SENP6: variants seen among roughly 807,000 people sequenced by gnomAD.
SENP6 encodes sentrin-specific protease 6.
In SENP6, 41 loss-of-function variants were observed where a neutral mutation model predicts 134.5. That is an observed-to-expected ratio of 0.30 (90% CI 0.24 to 0.40). The LOEUF is 0.40. SENP6 is among the 10% of genes least tolerant of loss of function. The pLI is 1.00. For missense variants in SENP6, 1,248 were observed against 1,312.5 expected (o/e 0.95, Z 0.76); for synonymous variants, 395 against 429.8 (o/e 0.92, Z 1.00).
chr6:75,604,095 A>C (rs1374399173), intron 1 of SENP6, among the ~76,000 whole-genome samples: 1 of 152,176 alleles, frequency 6.6e-6, no homozygotes, highest in East Asian at 1.9e-4. Context: ...CTTTTGTGCT[A>C]TCCTAGATTT....
At chr6:75,627,918 C>T (rs1034530063) in intron 3 of SENP6, among the ~76,000 whole-genome samples, 5 of 152,034 alleles carry the variant, frequency 3.3e-5, no homozygotes, top group African/African-American at 1.2e-4. Context: ...GTGATCTGCC[C>T]GCCTTGGCCT....
chr6:75,699,324 A>G (rs980525799), intron 18 of SENP6, among the ~76,000 whole-genome samples: 3 of 148,002 alleles, frequency 2.0e-5, no homozygotes, highest in Admixed American at 2.0e-4. Flanking sequence ...AAAATAGCCT[A>G]TAAATCAAGA....
At chr6:75,668,208 C>T (rs998501902) in intron 10 of SENP6, among the ~76,000 whole-genome samples, 12 of 152,164 alleles carry the variant, frequency 7.9e-5, no homozygotes, top group African/African-American at 1.4e-4. Context: ...AGGTGCAAGC[C>T]GCTGCACCCG....
chr6:75,602,438 C>T lies in SENP6; in HGVS notation c.-87C>T. ...GAGGCCCGCAACCCTGCGGCGTCTA[C>T]CCTCCTCCGGCGCGGCCCCTCATCC... On this transcript the variant is annotated 5_prime_UTR_variant, in exon 1 of 24. Transcript: ENST00000447266. 2.0e-6 allele frequency: 3 copies of T among 1,475,428 alleles called. No homozygotes were observed. Among genetic ancestry groups the T allele is most frequent in the East Asian group, 2.5e-5 (1 of 40,544 alleles). The allele number at this position is 1,475,428 out of a possible 1,614,324, so 91.4% of individuals were successfully genotyped here.
intron 18 of SENP6, among the ~76,000 whole-genome samples, 161 bp from the exon 19 acceptor site, chr6:75,702,484 C>G (rs896915329): frequency 6.6e-6 from 1 of 152,174 alleles, no homozygotes; most frequent in African/African-American, 2.4e-5. Flanking sequence ...TCCCAAAGTG[C>G]TGGGATTACT....
chr6:75,700,993 C>G lies in SENP6; in HGVS notation c.2289-1652C>G, dbSNP rs549741981. On this transcript the variant is annotated intron_variant, in intron 18 of 23. Transcript: ENST00000447266. ...AGCAAGCTTTCATCCATCTGGACTT[C>G]GCAATACAGAAGATGAAGCCAGCCA... is the stretch of plus-strand genomic sequence containing the variant. Among the ~76,000 whole-genome samples the G allele has an allele frequency of 2.0e-5, 3 of 152,088 alleles. No homozygotes were observed. In the East Asian group the frequency reaches 5.8e-4, roughly 29 times the overall value.
intron 5 of SENP6, among the ~76,000 whole-genome samples, chr6:75,636,330 C>T (rs1000000883): frequency 1.6e-4 from 25 of 152,130 alleles, no homozygotes; most frequent in Non-Finnish European, 1.5e-5. Context: ...TTACATTTGT[C>T]TTTTATTTAT....
chr6:75,637,270 A>G (rs2149839989), intron 5 of SENP6, among the ~76,000 whole-genome samples: 1 of 152,292 alleles, frequency 6.6e-6, no homozygotes, highest in African/African-American at 2.4e-5. Flanking sequence ...CTTGTCTTTT[A>G]AGTAAATCAG....
At position 75,675,905 on chromosome 6, in the gene SENP6, T is replaced by C; in HGVS notation, c.1472T>C (p.Leu491Pro). The C allele has an allele frequency of 6.2e-7, 1 of 1,609,096 alleles. No individual in the cohort carries two copies. The highest frequency in any genetic ancestry group is 8.5e-7 in the Non-Finnish European group (1 of 1,178,356). The change falls in exon 13 of 24, where the codon CTA becomes CCA. Residue 491 changes from leucine to proline, a missense_variant. Leu to Pro is a moderately conservative substitution (Grantham distance 98, BLOSUM62 -3). Around this residue, in one of 3 missense-constraint regions of SENP6, gnomAD observed 733 missense variants for 725.4 expected, o/e 1.01. Transcript: ENST00000447266. ...GAGATTATATTAAATACCTCTGATC[T>C]AACTAAATGTGAATGGTGTAATGTC... ...PVEIILNTSD[L>P]TKCEWCNVRK...
At chr6:75,646,708 C>G (rs56105244) in intron 6 of SENP6, 1 of 152,092 alleles carries the variant, frequency 6.6e-6, no homozygotes. Flanking sequence ...TGGTGGTGGG[C>G]GCCTGTAGTC....
chr6:75,625,236 C>T (rs975314113), intron 3 of SENP6, among the ~76,000 whole-genome samples: 2 of 150,410 alleles, frequency 1.3e-5, no homozygotes, highest in Admixed American at 6.7e-5. Context: ...CTCAGCCACA[C>T]GAGTAGTTGG....
At chr6:75,623,515 A>G (rs370872779) in intron 2 of SENP6, among the ~76,000 whole-genome samples, 3 of 152,040 alleles carry the variant, frequency 2.0e-5, no homozygotes, top group African/African-American at 7.2e-5. Flanking sequence ...TTGTTTCTCT[A>G]TCTTTCTACC....
At chr6:75,661,878 C>A (rs1771803650) in intron 8 of SENP6, among the ~76,000 whole-genome samples, 1 of 152,026 alleles carries the variant, frequency 6.6e-6, no homozygotes, top group Non-Finnish European at 1.5e-5. Flanking sequence ...ATGGTGAAAT[C>A]CCGTCTCTAC....
chr6:75,702,607 C>T, intron 18 of SENP6, 38 bp from the exon 19 acceptor site: 3 of 1,489,482 alleles, frequency 2.0e-6, no homozygotes, highest in East Asian at 4.6e-5. Context: ...ATAAACTTTT[C>T]TAATAACATA....
intron 13 of SENP6, 67 bp downstream of exon 13, chr6:75,676,121 G>C: frequency 9.0e-7 from 1 of 1,113,784 alleles, no homozygotes; most frequent in Non-Finnish European, 1.2e-6. Flanking sequence ...CTGTTAAATA[G>C]CAAAATGTGA....
intron 1 of SENP6, among the ~76,000 whole-genome samples, chr6:75,607,885 C>G (rs1316928093): frequency 6.6e-6 from 1 of 151,342 alleles, no homozygotes; most frequent in Non-Finnish European, 1.5e-5. Context: ...ACCGTAAATA[C>G]CTAACACTGT....
intron 5 of SENP6, chr6:75,635,052 G>T (rs934002318): frequency 3.5e-6 from 2 of 565,878 alleles, no homozygotes; most frequent in Admixed American, 2.7e-5. Context: ...ATAATCCAGA[G>T]AATCTAAGAT....
intron 1 of SENP6, among the ~76,000 whole-genome samples, chr6:75,612,236 G>T (rs1767507402): frequency 6.6e-6 from 1 of 152,174 alleles, no homozygotes; most frequent in Non-Finnish European, 1.5e-5. Context: ...CAAGGCTTTG[G>T]AAAATCTTGA....
intron 6 of SENP6, chr6:75,644,100 C>T (rs1010666246): frequency 6.6e-6 from 1 of 151,962 alleles, no homozygotes; most frequent in African/African-American, 2.4e-5. Flanking sequence ...ACTTCAAAAG[C>T]ACCTGTACTA....
Sources: gnomAD v4.1 joint callset for allele counts (sites outside exome capture counted in the v4.1 genomes callset) on GRCh38, gnomAD v4.1.1 for gene constraint, gnomAD v4.1.1 regional missense constraint, MANE v1.5 for transcripts, NCBI Gene and HGNC (gene_info 2026-07-23, HGNC 2026-07-21) for gene names.